The following HMCN1 variants were observed in gnomAD, a reference collection of about 807,000 sequenced individuals.
HMCN1 encodes the protein hemicentin-1.
A neutral mutation model predicts 625.9 loss-of-function variants in HMCN1; 321 were observed. The observed-to-expected ratio is 0.51, with a 90% CI of 0.47 to 0.56. The LOEUF is 0.56. Among genes scored for constraint, HMCN1 ranks in the 20% least tolerant of loss-of-function variants. HMCN1 has a pLI of 0.00. For missense variants in HMCN1, 6,588 were observed against 6,887.3 expected (o/e 0.96, Z 1.54); for synonymous variants, 2,425 against 2,417.6 (o/e 1.00, Z -0.09).
chr1:185,851,721 G>A (rs371147412), intron 2 of HMCN1, among the ~76,000 whole-genome samples: 3 of 151,926 alleles, frequency 2.0e-5, no homozygotes, highest in Admixed American at 2.0e-4. Flanking sequence ...AATGGTATTG[G>A]CAGTGATATG....
intron 42 of HMCN1, 94 bp downstream of exon 42, chr1:186,048,933 A>G: frequency 1.3e-6 from 1 of 765,242 alleles, no homozygotes; most frequent in Non-Finnish European, 2.3e-6. Context: ...AACTGATTAT[A>G]ATAGGTAGAT....
At chr1:185,930,376 C>A (rs1336364382) in intron 10 of HMCN1, among the ~76,000 whole-genome samples, 1 of 152,138 alleles carries the variant, frequency 6.6e-6, no homozygotes, top group Non-Finnish European at 1.5e-5. Flanking sequence ...GCTCCACTCA[C>A]TTCTGAATTT....
At chr1:186,015,467 A>G (rs1358666197) in intron 31 of HMCN1, 30 bp downstream of exon 31, 1 of 1,598,286 alleles carries the variant, frequency 6.3e-7, no homozygotes, top group African/African-American at 1.3e-5. Flanking sequence ...TTAATTATAT[A>G]CCTTTCTACC....
chr1:185,777,912 C>T (rs1344463685), intron 1 of HMCN1, among the ~76,000 whole-genome samples: 3 of 152,182 alleles, frequency 2.0e-5, no homozygotes, highest in Non-Finnish European at 4.4e-5. Context: ...ATTCAATATG[C>T]TTTTCTTGTC....
At chr1:185,971,966 G>T (rs758018805) in intron 15 of HMCN1, among the ~76,000 whole-genome samples, 1 of 152,258 alleles carries the variant, frequency 6.6e-6, no homozygotes, top group Non-Finnish European at 1.5e-5. Flanking sequence ...GTGGAGGGTA[G>T]CTCTGAATCT....
At chr1:185,782,908 G>T (rs1011566628) in intron 1 of HMCN1, among the ~76,000 whole-genome samples, 2 of 152,116 alleles carry the variant, frequency 1.3e-5, no homozygotes, top group Non-Finnish European at 2.9e-5. Flanking sequence ...GCTAGGTTGG[G>T]GAAGTTCTCC....
rs1223287755 is a variant in HMCN1, at chr1:185,905,103, TTCAGC to T, written c.622-4232_622-4228del. On this transcript the variant is annotated intron_variant, in intron 4 of 106. Transcript: ENST00000271588. ...ACCATGCATACAAGTTTGAACTCTA[TTCAGC>T]TTCAATGCAGAAAATTCAGTGCTGA... is the stretch of plus-strand genomic sequence containing the variant. 2.6e-5 allele frequency among the ~76,000 whole-genome samples: 4 copies of T among 151,996 alleles called. No homozygotes were observed. The East Asian group carries it at 7.7e-4, about 29-fold the overall frequency.
intron 72 of HMCN1, 45 bp downstream of exon 72, chr1:186,112,998 AG>A (rs1345956186): frequency 6.2e-7 from 1 of 1,605,424 alleles, no homozygotes; most frequent in Non-Finnish European, 8.5e-7. Context: ...AATCTGACCA[AG>A]GGCATTCAAA....
At chr1:186,018,762 C>T (rs1654531590) in intron 34 of HMCN1, among the ~76,000 whole-genome samples, 1 of 151,946 alleles carries the variant, frequency 6.6e-6, no homozygotes, top group Non-Finnish European at 1.5e-5. Context: ...ATGGTGAATA[C>T]AGTAGTTTCC....
At chr1:186,044,661 G>A (rs899433419) in intron 40 of HMCN1, among the ~76,000 whole-genome samples, 1 of 152,048 alleles carries the variant, frequency 6.6e-6, no homozygotes, top group African/African-American at 2.4e-5. Context: ...CTAAAAAAAT[G>A]CTACAAATAT....
In HMCN1 at chr1:186,108,389, T is replaced by G. The variant is rs1660720546; in HGVS notation, c.10853-72T>G. 8.1e-6 allele frequency: 13 copies of G among 1,608,840 alleles called. No individual in the cohort carries two copies. In the Admixed American group the frequency reaches 2.2e-4, roughly 27 times the overall value. On this transcript the variant is annotated intron_variant, in intron 70 of 106. Transcript: ENST00000271588. ...ATTTTATGCCTCTTATTATTTCATA[T>G]AGCAGAACCAACATTTTTTGGATAC...
At chr1:185,851,386 T>C (rs1376030061) in intron 2 of HMCN1, among the ~76,000 whole-genome samples, 3 of 152,194 alleles carry the variant, frequency 2.0e-5, no homozygotes, top group Non-Finnish European at 4.4e-5. Context: ...TTGGCTATTT[T>C]TCTTCTAGAG....
intron 6 of HMCN1, 79 bp downstream of exon 6, chr1:185,911,859 T>TA: frequency 9.8e-7 from 1 of 1,025,026 alleles, no homozygotes; most frequent in Non-Finnish European, 1.5e-6. Context: ...AATGGTTTTT[T>TA]TAAACATACA....
chr1:185,891,860 C>A (rs1300191732), intron 4 of HMCN1, among the ~76,000 whole-genome samples: 1 of 147,802 alleles, frequency 6.8e-6, no homozygotes, highest in Non-Finnish European at 1.5e-5. Flanking sequence ...GTTGGCCTGC[C>A]TTGCTAGATT....
At chr1:185,957,491 T>C (rs1649710492) in intron 11 of HMCN1, among the ~76,000 whole-genome samples, 1 of 152,180 alleles carries the variant, frequency 6.6e-6, no homozygotes, top group African/African-American at 2.4e-5. Context: ...TGTTTTCCTG[T>C]TTATCTGACA....
intron 81 of HMCN1, among the ~76,000 whole-genome samples, chr1:186,125,311 A>C (rs985266481): frequency 1.3e-5 from 2 of 152,124 alleles, no homozygotes; most frequent in African/African-American, 2.4e-5. Flanking sequence ...TTAAAGACGG[A>C]AAAGTCAGGG....
At chr1:185,892,294 G>T (rs537863429) in intron 4 of HMCN1, among the ~76,000 whole-genome samples, 30 of 151,852 alleles carry the variant, frequency 2.0e-4, no homozygotes, top group African/African-American at 7.3e-4. Context: ...ATCATCTGAA[G>T]CCTTCTTCTC....
At chr1:185,893,690 TAATTA>T (rs1387002852) in intron 4 of HMCN1, among the ~76,000 whole-genome samples, 1 of 152,222 alleles carries the variant, frequency 6.6e-6, no homozygotes, top group Non-Finnish European at 1.5e-5. Context: ...GAAACTATTT[TAATTA>T]AATTAAACTT....
chr1:185,869,209 G>C (rs1413184781), intron 4 of HMCN1, among the ~76,000 whole-genome samples: 1 of 152,156 alleles, frequency 6.6e-6, no homozygotes, highest in East Asian at 1.9e-4. Context: ...TTTGAGTTGA[G>C]TATTCAGTTA....
Sources: gnomAD v4.1 joint callset for allele counts (sites outside exome capture counted in the v4.1 genomes callset) on GRCh38, gnomAD v4.1.1 for gene constraint, MANE v1.5 for transcripts, NCBI Gene and HGNC (gene_info 2026-07-23, HGNC 2026-07-21) for gene names.